The following PAPSS2 variants were observed in gnomAD, a reference collection of about 807,000 sequenced individuals.
The protein encoded by PAPSS2 is 3'-phosphoadenosine 5'-phosphosulfate synthase 2.
In PAPSS2, 61 loss-of-function variants were observed where a neutral mutation model predicts 66.5. That is an observed-to-expected ratio of 0.92 (90% CI 0.75 to 1.14). PAPSS2 has a LOEUF of 1.14. Among genes scored for constraint, PAPSS2 ranks in the 50% most tolerant of loss-of-function variants. The pLI is 0.00. For missense variants in PAPSS2, 708 were observed against 789.6 expected, an observed-to-expected ratio of 0.90 and a Z score of 1.24; for synonymous variants, 289 against 287.5, an observed-to-expected ratio of 1.01 and a Z score of -0.05.
chr10:87,721,052 AG>A (rs1005214045), intron 7 of PAPSS2, among the ~76,000 whole-genome samples: 2 of 152,168 alleles, frequency 1.3e-5, no homozygotes, highest in African/African-American at 4.8e-5. Flanking sequence ...TTTCCAAGGG[AG>A]GGTGTGAGAG....
At chr10:87,712,738 T>G (rs1403095936) in intron 2 of PAPSS2, among the ~76,000 whole-genome samples, 2 of 152,114 alleles carry the variant, frequency 1.3e-5, no homozygotes, top group Non-Finnish European at 2.9e-5. Context: ...ATTACAGGCA[T>G]GAGCCACCAC....
At chr10:87,738,239 T>G (rs1299023050) in intron 9 of PAPSS2, among the ~76,000 whole-genome samples, 4 of 152,224 alleles carry the variant, frequency 2.6e-5, no homozygotes. Context: ...CACCCATAAG[T>G]AGGATTGCTG....
intron 9 of PAPSS2, among the ~76,000 whole-genome samples, chr10:87,739,320 T>C (rs1853839042): frequency 6.6e-6 from 1 of 152,178 alleles, no homozygotes; most frequent in Admixed American, 6.5e-5. Flanking sequence ...TTTTTAAAAA[T>C]AGGGTTTTAG....
At chr10:87,708,874 T>C (rs1239835554) in intron 1 of PAPSS2, among the ~76,000 whole-genome samples, 1 of 152,224 alleles carries the variant, frequency 6.6e-6, no homozygotes, top group Non-Finnish European at 1.5e-5. Context: ...GATATGATGC[T>C]GTAATTTAAA....
At chr10:87,741,393 AT>A in intron 10 of PAPSS2, 23 bp downstream of exon 10, 1 of 1,589,278 alleles carries the variant, frequency 6.3e-7, no homozygotes, top group Non-Finnish European at 8.6e-7. Context: ...TTCTTAGTGC[AT>A]TTTATTTATT....
rs955068469 is a variant in PAPSS2 at position 87,724,863 on chromosome 10, C to T, written c.881-2421C>T. Among the ~76,000 whole-genome samples, 6 of 151,290 alleles carry T rather than the reference C, an allele frequency of 4.0e-5. No individual in the cohort carries two copies. In the East Asian group the frequency reaches 9.7e-4, roughly 24 times the overall value. On this transcript the variant is annotated intron_variant, in intron 8 of 12. Transcript: ENST00000456849. ...AAATCTCTGTCTATACACACACACA[C>T]ACACACACATACACACATAGAAAGA...
chr10:87,746,090 A>AT lies in PAPSS2; in HGVS notation c.*120_*121insT. 1 of 914,586 alleles carries AT rather than the reference A, an allele frequency of 1.1e-6. No homozygotes were observed. The highest frequency in any genetic ancestry group is 2.6e-5 in the East Asian group (1 of 38,538). 56.7% of individuals were successfully genotyped at this position (914,586 alleles called of 1,614,324 possible). On this transcript the variant is annotated 3_prime_UTR_variant, in exon 13 of 13. Transcript: ENST00000456849. ...GCATTTTAATCTTTTATAATGAAGT[A>AT]AAAGTTGTGTCTATAATTAAAAAAA...
rs1376453666 is a variant in PAPSS2, at chr10:87,706,831, C to T, written c.28-2365C>T. ...ATTTGTTCACCCAGGGGAGATACTG[C>T]TAGACTATCTCATGGAGTGGCCTAA... On this transcript the variant is annotated intron_variant, in intron 1 of 12. Transcript: ENST00000456849. 2.0e-5 allele frequency among the ~76,000 whole-genome samples: 3 copies of T among 152,154 alleles called. No homozygotes were observed. The East Asian group carries it at 5.8e-4, about 29-fold the overall frequency.
chr10:87,694,766 GGT>G (rs1853211820), intron 1 of PAPSS2, among the ~76,000 whole-genome samples: 1 of 152,190 alleles, frequency 6.6e-6, no homozygotes, highest in South Asian at 2.1e-4. Flanking sequence ...ATGATTTAAG[GGT>G]GTTTTAGAAA....
intron 2 of PAPSS2, among the ~76,000 whole-genome samples, chr10:87,711,499 G>A (rs1853462034): frequency 6.6e-6 from 1 of 152,172 alleles, no homozygotes. Context: ...AGATTCAGGA[G>A]TGCCACTTCC....
intron 9 of PAPSS2, among the ~76,000 whole-genome samples, chr10:87,729,009 C>G (rs996257046): frequency 2.0e-5 from 3 of 151,812 alleles, no homozygotes. Context: ...GAGTCTTGCT[C>G]TGTCATAATC....
intron 1 of PAPSS2, among the ~76,000 whole-genome samples, chr10:87,696,535 T>C (rs7100240): frequency 0.048 from 7,318 of 152,310 alleles, 559 homozygotes; most frequent in African/African-American, 0.17. Context: ...ATAAATATCA[T>C]AGATATGCCT....
chr10:87,688,073 C>T (rs927060705), intron 1 of PAPSS2, among the ~76,000 whole-genome samples: 1 of 152,024 alleles, frequency 6.6e-6, no homozygotes, highest in Non-Finnish European at 1.5e-5. Context: ...TGGATGTGTA[C>T]TAACTAGTCA....
At chr10:87,677,051 G>A (rs1256100687) in intron 1 of PAPSS2, among the ~76,000 whole-genome samples, 1 of 151,804 alleles carries the variant, frequency 6.6e-6, no homozygotes, top group Non-Finnish European at 1.5e-5. Context: ...AAAATTAGCC[G>A]GGCATGGCAG....
intron 9 of PAPSS2, among the ~76,000 whole-genome samples, chr10:87,736,301 T>C (rs1377782705): frequency 7.0e-6 from 1 of 142,190 alleles, no homozygotes; most frequent in Non-Finnish European, 1.5e-5. Flanking sequence ...AGAGTCTTAC[T>C]CTGTTGCCCA....
rs771442958 is a variant in PAPSS2, at chr10:87,745,904, T to C, written c.1794T>C (p.Asp598=). The C allele has an allele frequency of 3.2e-5, 51 of 1,614,004 alleles. No individual in the cohort carries two copies. Among genetic ancestry groups the C allele is most frequent in the Non-Finnish European group, 4.2e-5 (50 of 1,179,966 alleles). Reference sequence around the variant, plus strand: ...CCCGGGAAGGAGAGAATCCCCCAGATGGCTTCATGGCCCCCAAAGCATGGA... The same window carrying C: ...CCCGGGAAGGAGAGAATCCCCCAGACGGCTTCATGGCCCCCAAAGCATGGA... ...KLAREGENPP[D]GFMAPKAWKV... The change falls in exon 13 of 13, where the codon GAT becomes GAC. Residue 598 remains aspartate (D), a synonymous_variant. Transcript: ENST00000456849.
chr10:87,723,931 G>T (rs1853627103), intron 8 of PAPSS2, among the ~76,000 whole-genome samples: 1 of 152,026 alleles, frequency 6.6e-6, no homozygotes, highest in African/African-American at 2.4e-5. Context: ...GCTTCCTCTG[G>T]AGTTAAATGT....
intron 1 of PAPSS2, among the ~76,000 whole-genome samples, chr10:87,660,758 T>G (rs2131889549): frequency 6.8e-6 from 1 of 146,992 alleles, no homozygotes; most frequent in South Asian, 2.2e-4. Context: ...TTTTGCATTC[T>G]TAAAAATGGC....
intron 1 of PAPSS2, among the ~76,000 whole-genome samples, chr10:87,703,116 G>A (rs762177608): frequency 2.1e-4 from 32 of 152,276 alleles, no homozygotes; most frequent in Admixed American, 6.5e-4. Flanking sequence ...CAGGGCAAAG[G>A]CCATCCTCCA....
Sources: gnomAD v4.1 joint callset for allele counts (sites outside exome capture counted in the v4.1 genomes callset) on GRCh38, gnomAD v4.1.1 for gene constraint, MANE v1.5 for transcripts, NCBI Gene and HGNC (gene_info 2026-07-23, HGNC 2026-07-21) for gene names.